PKIG: variants seen among roughly 807,000 people sequenced by gnomAD.
The protein encoded by PKIG is protein kinase (cAMP-dependent, catalytic) inhibitor gamma.
PKIG carries 1 observed loss-of-function variant against 6.8 expected under a neutral mutation model. That is an observed-to-expected ratio of 0.15 (90% confidence interval 0.05 to 0.69). The LOEUF (loss-of-function observed/expected upper bound fraction) is 0.69, where lower values mean the gene tolerates loss of function less well. Ranked by LOEUF, PKIG falls within the 30% of genes least tolerant of loss-of-function variation. The pLI is 0.82. For synonymous variants in PKIG, 39 were observed against 43.0 expected, an observed-to-expected ratio of 0.91 and a Z score of 0.36; for missense variants, 77 against 104.0, an observed-to-expected ratio of 0.74 and a Z score of 1.13.
chr20:44,590,155 C>A (rs1568825251), intron 2 of PKIG, among the ~76,000 whole-genome samples: 2 of 152,016 alleles, frequency 1.3e-5, no homozygotes, highest in Non-Finnish European at 2.9e-5. Context: ...CGGCCATGTA[C>A]TTAAGCTTAA....
intron 2 of PKIG, among the ~76,000 whole-genome samples, chr20:44,607,457 G>A (rs2065175893): frequency 7.2e-6 from 1 of 138,710 alleles, no homozygotes; most frequent in African/African-American, 2.7e-5. Flanking sequence ...GCTCACTGCA[G>A]CCTCTGCCTC....
chr20:44,560,945 A>G (rs191755255), intron 1 of PKIG, among the ~76,000 whole-genome samples: 57 of 152,380 alleles, frequency 3.7e-4, no homozygotes, highest in Admixed American at 9.8e-4. Context: ...CAAAAGCCAT[A>G]TACAACAAAA....
chr20:44,616,905 TC>T, intron 3 of PKIG, among the ~76,000 whole-genome samples: 1 of 152,288 alleles, frequency 6.6e-6, no homozygotes, highest in Non-Finnish European at 1.5e-5. Flanking sequence ...ACCACCCACT[TC>T]CTAGCTTGCC....
chr20:44,604,393 C>T (rs1187305348), intron 2 of PKIG, among the ~76,000 whole-genome samples: 3 of 152,116 alleles, frequency 2.0e-5, no homozygotes, highest in African/African-American at 7.2e-5. Flanking sequence ...ATGTCTGCAG[C>T]TCAGCAATGA....
chr20:44,606,283 A>G (rs899652742), intron 2 of PKIG, among the ~76,000 whole-genome samples: 4 of 152,230 alleles, frequency 2.6e-5, no homozygotes, highest in Non-Finnish European at 5.9e-5. Context: ...AGCAGTAGGA[A>G]CTAAAACAAT....
chr20:44,571,049 C>T (rs796587502), intron 1 of PKIG, among the ~76,000 whole-genome samples: 1 of 152,052 alleles, frequency 6.6e-6, no homozygotes, highest in African/African-American at 2.4e-5. Context: ...GCCTGGCCAA[C>T]ATGGTGAAAC....
intron 1 of PKIG, among the ~76,000 whole-genome samples, chr20:44,544,925 C>CTTTTTTTTTTTTTTTTT (rs796482642): frequency 9.3e-5 from 6 of 64,372 alleles, no homozygotes; most frequent in Non-Finnish European, 1.4e-4. Flanking sequence ...TTCCTTCTTT[C>CTTTTTTTTTTTTTTTTT]TTTTTTTTTT....
At chr20:44,564,303 G>A (rs1432889576) in intron 1 of PKIG, 5 of 152,192 alleles carry the variant, frequency 3.3e-5, no homozygotes, top group Non-Finnish European at 7.4e-5. Context: ...GAATTGGAAT[G>A]AGCATCTGAA....
At chr20:44,603,708 TACA>T (rs560119937) in intron 2 of PKIG, among the ~76,000 whole-genome samples, 31 of 152,208 alleles carry the variant, frequency 2.0e-4, no homozygotes, top group Non-Finnish European at 3.1e-4. Flanking sequence ...GGTTAGATTC[TACA>T]ACAACTTTTC....
chr20:44,558,676 T>A (rs2064741093), intron 1 of PKIG, among the ~76,000 whole-genome samples: 1 of 151,124 alleles, frequency 6.6e-6, no homozygotes, highest in Non-Finnish European at 1.5e-5. Context: ...TCTCTCTCTT[T>A]CTTTCTTTCT....
intron 1 of PKIG, among the ~76,000 whole-genome samples, chr20:44,585,952 G>A (rs929091899): frequency 2.0e-5 from 3 of 152,150 alleles, no homozygotes; most frequent in Admixed American, 1.3e-4. Flanking sequence ...AGGAATAGCA[G>A]GTAAGAGCTC....
At chr20:44,591,430 GTAAGGGACTGAGAGAGTTC>G (rs929332321) in intron 2 of PKIG, among the ~76,000 whole-genome samples, 5 of 152,124 alleles carry the variant, frequency 3.3e-5, no homozygotes, top group South Asian at 4.1e-4. Context: ...TTCAGTTTGG[GTAAGGGACTGAGAGAGTTC>G]TAAGGGACTG....
chr20:44,571,169 G>A (rs1335348602), intron 1 of PKIG, among the ~76,000 whole-genome samples: 1 of 152,016 alleles, frequency 6.6e-6, no homozygotes, highest in Non-Finnish European at 1.5e-5. Context: ...AGGAGGCGGA[G>A]GTTGCAGTGA....
intron 1 of PKIG, among the ~76,000 whole-genome samples, chr20:44,548,515 A>G (rs1171105268): frequency 1.3e-5 from 2 of 152,198 alleles, no homozygotes; most frequent in African/African-American, 4.8e-5. Flanking sequence ...ATGCACTGAA[A>G]ATGAAATACT....
At chr20:44,616,274 C>T (rs568369503) in intron 3 of PKIG, among the ~76,000 whole-genome samples, 7 of 152,302 alleles carry the variant, frequency 4.6e-5, no homozygotes, top group African/African-American at 7.2e-5. Context: ...TCCATGAGCC[C>T]ACTGAGCATA....
chr20:44,581,033 G>C (rs2123338461), upstream of PKIG, among the ~76,000 whole-genome samples: 1 of 152,262 alleles, frequency 6.6e-6, no homozygotes, highest in Middle Eastern at 3.4e-3. Context: ...TCCTTTCCCA[G>C]GCTGGCTGCG....
At chr20:44,568,613 G>A (rs1479996844) in intron 1 of PKIG, among the ~76,000 whole-genome samples, 6 of 152,034 alleles carry the variant, frequency 3.9e-5, no homozygotes, top group Admixed American at 2.6e-4. Context: ...ACCGCGCCTG[G>A]CTAATTTTTG....
upstream of PKIG, among the ~76,000 whole-genome samples, chr20:44,581,669 A>G (rs2064949436): frequency 1.3e-5 from 2 of 152,116 alleles, no homozygotes; most frequent in African/African-American, 2.4e-5. Context: ...GCTGCTTTTC[A>G]TGTCCCTAAG....
intron 2 of PKIG, among the ~76,000 whole-genome samples, chr20:44,597,745 G>A (rs1458530726): frequency 1.3e-5 from 2 of 152,128 alleles, no homozygotes; most frequent in Non-Finnish European, 2.9e-5. Context: ...ATTTGCCGAG[G>A]CTCAGCTACA....
Sources: allele counts gnomAD v4.1 joint callset (sites outside exome capture counted in the v4.1 genomes callset), GRCh38; gene constraint gnomAD v4.1.1; transcripts MANE v1.5; gene names NCBI Gene and HGNC (gene_info 2026-07-23, HGNC 2026-07-21).